SNX14: variants seen among roughly 807,000 people sequenced by gnomAD.
SNX14 encodes the protein sorting nexin-14.
Under a neutral mutation model 133.8 loss-of-function variants are expected in SNX14, and 93 were observed. The observed-to-expected ratio is 0.70, with a 90% CI of 0.59 to 0.83. SNX14 has a LOEUF of 0.83. Among genes scored for constraint, SNX14 ranks in the 40% least tolerant of loss-of-function variants. The probability of loss-of-function intolerance (pLI) is 0.00; values close to 1 mark genes in which losing one functional copy is unlikely to be tolerated. For missense variants in SNX14, 945 were observed against 1,094.9 expected, an observed-to-expected ratio of 0.86 and a Z score of 1.93; for synonymous variants, 368 against 365.6, an observed-to-expected ratio of 1.01 and a Z score of -0.07.
chr6:85,507,056 C>G (rs1191713121), intron 28 of SNX14, among the ~76,000 whole-genome samples, 177 bp downstream of exon 28: 1 of 152,178 alleles, frequency 6.6e-6, no homozygotes, highest in Middle Eastern at 3.4e-3. Flanking sequence ...AGCTGTCCCC[C>G]AGAATTGTTT....
intron 4 of SNX14, 54 bp downstream of exon 4, chr6:85,572,083 T>A (rs1360447691): frequency 1.3e-5 from 19 of 1,482,570 alleles, no homozygotes; most frequent in Non-Finnish European, 1.7e-5. Context: ...TTCTGGAAAA[T>A]TTTTCCACAG....
intron 6 of SNX14, among the ~76,000 whole-genome samples, chr6:85,559,481 T>C (rs989534811): frequency 6.6e-6 from 1 of 152,162 alleles, no homozygotes; most frequent in Admixed American, 6.5e-5. Flanking sequence ...TTTTAAAAAA[T>C]TGTAGACCCT....
At chr6:85,583,032 T>G (rs1799529870) in intron 1 of SNX14, among the ~76,000 whole-genome samples, 1 of 152,132 alleles carries the variant, frequency 6.6e-6, no homozygotes, top group Non-Finnish European at 1.5e-5. Context: ...AAAAAAATAC[T>G]GGCAAACCGA....
At chr6:85,571,027 G>C (rs1442151361) in intron 4 of SNX14, among the ~76,000 whole-genome samples, 1 of 152,058 alleles carries the variant, frequency 6.6e-6, no homozygotes, top group Non-Finnish European at 1.5e-5. Context: ...ATATTAGACA[G>C]AAGTCTTAAA....
At chr6:85,592,354 C>T (rs981965595) in intron 1 of SNX14, among the ~76,000 whole-genome samples, 1 of 152,234 alleles carries the variant, frequency 6.6e-6, no homozygotes, top group Non-Finnish European at 1.5e-5. Context: ...CTTGCGCATT[C>T]CTCCCTGTTG....
chr6:85,574,896 C>G (rs2128205444), intron 1 of SNX14, among the ~76,000 whole-genome samples: 1 of 152,226 alleles, frequency 6.6e-6, no homozygotes, highest in East Asian at 1.9e-4. Context: ...GACAGAAAGT[C>G]TGTGTGATAT....
At chr6:85,553,587 A>G (rs9450297) in intron 7 of SNX14, among the ~76,000 whole-genome samples, 3,013 of 152,228 alleles carry the variant, frequency 0.02, 46 homozygotes, top group Middle Eastern at 0.034. Context: ...GATCGAGACC[A>G]TCCTGGCTAA....
intron 27 of SNX14, among the ~76,000 whole-genome samples, chr6:85,507,750 T>C (rs1213746234): frequency 6.6e-6 from 1 of 152,204 alleles, no homozygotes; most frequent in African/African-American, 2.4e-5. Context: ...CTACAATTAC[T>C]ATATATTAAT....
intron 6 of SNX14, among the ~76,000 whole-genome samples, 158 bp from the exon 7 acceptor site, chr6:85,558,218 CATTAG>C (rs1249403935): frequency 5.3e-5 from 8 of 152,112 alleles, no homozygotes; most frequent in Non-Finnish European, 1.2e-4. Context: ...CTAACTGTAA[CATTAG>C]ATAATTTTTT....
rs992989648 is a variant in SNX14 at position 85,507,248 on chromosome 6, A to G, written c.2787T>C (p.Phe929=). 37 of 1,611,444 alleles carry G rather than the reference A, an allele frequency of 2.3e-5. No homozygotes were observed. The highest frequency in any genetic ancestry group is 2.7e-5 in the Non-Finnish European group (32 of 1,179,194). ...TTTCAGTTACCTTATTGAGCTCTGG[A>G]AACAGTTCCTGTATCACAATGTCCA... ...VLLDIVIQEL[F]PELNKVQKEV... Residue 929 remains phenylalanine, a synonymous_variant, in exon 28 of 29, where the codon TTT becomes TTC. Coordinates refer to ENST00000314673, the MANE Select transcript of SNX14 (RefSeq NM_153816.6).
chr6:85,520,503 G>A (rs1487459559), intron 21 of SNX14, among the ~76,000 whole-genome samples: 2 of 151,476 alleles, frequency 1.3e-5, no homozygotes, highest in African/African-American at 4.9e-5. Context: ...GACTACAGGC[G>A]CCCACCACCA....
chr6:85,517,236 T>C (rs1021411547), intron 23 of SNX14, among the ~76,000 whole-genome samples: 4 of 152,200 alleles, frequency 2.6e-5, no homozygotes, highest in African/African-American at 7.2e-5. Flanking sequence ...AAATAAAAGA[T>C]AGAGGTCCTC....
In SNX14 at chr6:85,505,590, T is replaced by C. The variant is rs1770350152; in HGVS notation, c.*377A>G. 13 of 192,034 alleles carry C rather than the reference T, an allele frequency of 6.8e-5. No individual in the cohort carries two copies. In the Admixed American group the frequency reaches 7.5e-4, roughly 11 times the overall value. 11.9% of individuals were successfully genotyped at this position (192,034 alleles called of 1,614,324 possible). On this transcript the variant is annotated 3_prime_UTR_variant, in exon 29 of 29. Coordinates refer to ENST00000314673, the MANE Select transcript of SNX14 (RefSeq NM_153816.6). ...AAAGGAAAACCAATCTACTAAAATA[T>C]ATTAACTCTAAGAAAATCAGATCTT...
At chr6:85,538,967 C>G in intron 15 of SNX14, 103 bp from the exon 16 acceptor site, 2 of 969,270 alleles carry the variant, frequency 2.1e-6, no homozygotes, top group Non-Finnish European at 3.0e-6. Flanking sequence ...TTAAAAGCTT[C>G]AGAAGTTACA....
intron 26 of SNX14, among the ~76,000 whole-genome samples, chr6:85,512,842 T>C (rs1773438092): frequency 6.6e-6 from 1 of 152,178 alleles, no homozygotes; most frequent in Non-Finnish European, 1.5e-5. Context: ...GCTTGCCGTA[T>C]GACCTCACTC....
chr6:85,513,868 GGTT>G lies in SNX14; in HGVS notation c.2582_2584del (p.Glu861_Pro862delinsAla). The G allele has an allele frequency of 6.2e-7, 1 of 1,612,456 alleles. No individual in the cohort carries two copies. Among genetic ancestry groups the G allele is most frequent in the South Asian group, 1.1e-5 (1 of 90,696 alleles). On this transcript the variant is annotated inframe_deletion, in exon 26 of 29. Transcript: ENST00000314673. ...TTTTTGCTTATCTTGGAGAGAGCGAGGTTCAGTGTTTTCACAGAATATAGCATC... is the reference window on the plus strand; with the variant it reads ...TTTTTGCTTATCTTGGAGAGAGCGAGCAGTGTTTTCACAGAATATAGCATC...
At chr6:85,545,752 C>A (rs1023282908) in intron 12 of SNX14, among the ~76,000 whole-genome samples, 2 of 152,108 alleles carry the variant, frequency 1.3e-5, no homozygotes, top group Admixed American at 1.3e-4. Context: ...GGCATGATCT[C>A]GGCTCACTGC....
chr6:85,536,224 T>A (rs568711329), intron 17 of SNX14, among the ~76,000 whole-genome samples: 2 of 152,310 alleles, frequency 1.3e-5, no homozygotes, highest in African/African-American at 4.8e-5. Context: ...GAAGGGCATT[T>A]CAAGCAGGAC....
chr6:85,514,135 A>T lies in SNX14; in HGVS notation c.2492T>A (p.Leu831His). 1.9e-6 allele frequency: 3 copies of T among 1,613,956 alleles called. No homozygotes were observed. Among genetic ancestry groups the T allele is most frequent in the Non-Finnish European group, 2.5e-6 (3 of 1,179,884 alleles). ...NTLEMYTDYY[L>H]QCKLEQLFQE... ...AAATAGCTGTTCTAGTTTACACTGA[A>T]GATAGTAATCAGTATACATTTCCAG... The change falls in exon 25 of 29, where the codon CTT becomes CAT. Residue 831 changes from leucine (L) to histidine (H), a missense_variant. Leu to His is a moderately conservative substitution (Grantham distance 99). Around this residue, in one of 3 missense-constraint regions of SNX14, gnomAD observed 412 missense variants for 516.6 expected, o/e 0.80. Coordinates refer to ENST00000314673, the MANE Select transcript of SNX14 (RefSeq NM_153816.6).
Sources: allele counts gnomAD v4.1 joint callset (sites outside exome capture counted in the v4.1 genomes callset), GRCh38; gene constraint gnomAD v4.1.1; regional missense constraint gnomAD v4.1.1; transcripts MANE v1.5; gene names NCBI Gene and HGNC (gene_info 2026-07-23, HGNC 2026-07-21).